OR9Q1: variants seen among roughly 807,000 people sequenced by gnomAD.
The protein encoded by OR9Q1 is olfactory receptor 9Q1.
For synonymous variants in OR9Q1, 153 were observed against 148.6 expected, an observed-to-expected ratio of 1.03 and a Z score of -0.22; for missense variants, 374 against 378.8, an observed-to-expected ratio of 0.99 and a Z score of 0.11.
chr11:58,040,351 C>G (rs951639795), intron 1 of OR9Q1, among the ~76,000 whole-genome samples: 5 of 152,178 alleles, frequency 3.3e-5, no homozygotes, highest in Non-Finnish European at 7.3e-5. Context: ...CAAACTGAGG[C>G]TCAGAGAGGT....
chr11:58,111,161 T>C (rs1237583675), intron 2 of OR9Q1, among the ~76,000 whole-genome samples: 2 of 152,152 alleles, frequency 1.3e-5, no homozygotes, highest in African/African-American at 4.8e-5. Flanking sequence ...TAAAATCTAC[T>C]GATGAGTGTT....
intron 2 of OR9Q1, among the ~76,000 whole-genome samples, chr11:58,086,571 C>A (rs1038509500): frequency 6.6e-6 from 1 of 151,840 alleles, no homozygotes; most frequent in African/African-American, 2.4e-5. Flanking sequence ...TTCATTGAAT[C>A]ATTCTTCACA....
chr11:58,071,126 A>G (rs1184399458), intron 2 of OR9Q1, among the ~76,000 whole-genome samples: 2 of 152,190 alleles, frequency 1.3e-5, no homozygotes, highest in African/African-American at 4.8e-5. Flanking sequence ...TTCTCTCTCT[A>G]AGGTCTGCCC....
At chr11:58,067,252 G>A (rs1312663217) in intron 2 of OR9Q1, among the ~76,000 whole-genome samples, 1 of 151,992 alleles carries the variant, frequency 6.6e-6, no homozygotes, top group African/African-American at 2.4e-5. Context: ...TAGCCCGGGT[G>A]GTCTCCATCT....
intron 2 of OR9Q1, among the ~76,000 whole-genome samples, chr11:58,104,646 C>T (rs1042496416): frequency 6.6e-6 from 1 of 152,080 alleles, no homozygotes; most frequent in Non-Finnish European, 1.5e-5. Flanking sequence ...TATTGCTTAG[C>T]CAATGCAACA....
chr11:58,162,071 C>T (rs1019422370), intron 2 of OR9Q1, among the ~76,000 whole-genome samples: 3 of 152,180 alleles, frequency 2.0e-5, no homozygotes, highest in African/African-American at 4.8e-5. Flanking sequence ...CATGCCATTC[C>T]TGTGTGGAAC....
rs1854653912 is a variant in OR9Q1 at position 58,180,456 on chromosome 11, G to A, written c.*79G>A. 1.2e-6 allele frequency: 1 copy of A among 854,214 alleles called. No homozygotes were observed. Among genetic ancestry groups the A allele is most frequent in the Admixed American group, 2.7e-5 (1 of 36,974 alleles). 52.9% of individuals were successfully genotyped at this position (854,214 alleles called of 1,614,324 possible). A position where few individuals can be genotyped will look rare whatever the true frequency, so the allele number is the denominator to read the frequency against. ...TCTGGACGCTCATTATTTATAGCAT[G>A]CTCAATGTTTAAATGAATATATTAT... On this transcript the variant is annotated 3_prime_UTR_variant, in exon 3 of 3. Coordinates refer to ENST00000335397, the MANE Select transcript of OR9Q1 (RefSeq NM_001005212.4).
At chr11:58,031,816 G>C in intron 1 of OR9Q1, 1 of 1,614,118 alleles carries the variant, frequency 6.2e-7, no homozygotes. Flanking sequence ...TCACGCCCAT[G>C]CTCAATCCTC....
At chr11:58,137,707 G>A (rs1432895669) in intron 2 of OR9Q1, among the ~76,000 whole-genome samples, 2 of 152,080 alleles carry the variant, frequency 1.3e-5, no homozygotes, top group African/African-American at 4.8e-5. Context: ...TCAAATCCCT[G>A]CCTAGGAATT....
chr11:58,058,301 G>A (rs1044104805), intron 2 of OR9Q1, among the ~76,000 whole-genome samples: 4 of 152,158 alleles, frequency 2.6e-5, no homozygotes, highest in Admixed American at 2.6e-4. Context: ...GGTGGGCAGT[G>A]GTCATGTTCT....
intron 2 of OR9Q1, chr11:58,109,441 G>T (rs1023132931): frequency 2.6e-5 from 12 of 461,110 alleles, no homozygotes; most frequent in African/African-American, 2.0e-4. Flanking sequence ...GATTACTGAG[G>T]CACAGCAGGC....
At chr11:58,074,147 TA>T (rs1853516585) in intron 2 of OR9Q1, among the ~76,000 whole-genome samples, 1 of 152,240 alleles carries the variant, frequency 6.6e-6, no homozygotes, top group Non-Finnish European at 1.5e-5. Context: ...CATGTGTCTT[TA>T]AAGTAGAATG....
In OR9Q1 at chr11:58,118,654, G is replaced by A. The variant is rs1454252556; in HGVS notation, c.-14-60777G>A. The A allele has an allele frequency of 1.9e-6, 3 of 1,614,000 alleles. No individual in the cohort carries two copies. In the South Asian group the frequency reaches 3.3e-5, roughly 18 times the overall value. On this transcript the variant is annotated intron_variant, in intron 2 of 2. Transcript: ENST00000335397. ...TTTGTCTTCCTCCAGAGATTTGCCT[G>A]AGCCACTTTGCAGATACATGAAGAT...
chr11:58,059,601 T>C (rs888793095), intron 2 of OR9Q1, among the ~76,000 whole-genome samples: 10 of 141,176 alleles, frequency 7.1e-5, no homozygotes, highest in Non-Finnish European at 1.2e-4. Context: ...GGCAGAAGAA[T>C]TGCTTGAACC....
chr11:58,124,357 C>G (rs1197264431), intron 2 of OR9Q1: 2 of 152,142 alleles, frequency 1.3e-5, no homozygotes, highest in Admixed American at 6.5e-5. Context: ...TATGTGACCT[C>G]TGGAGGGGAT....
At chr11:58,026,458 G>A (rs1021334080) in intron 1 of OR9Q1, among the ~76,000 whole-genome samples, 1 of 152,048 alleles carries the variant, frequency 6.6e-6, no homozygotes, top group African/African-American at 2.4e-5. Context: ...GAGGTGAGTG[G>A]ATCATTTGAG....
intron 1 of OR9Q1, among the ~76,000 whole-genome samples, chr11:58,042,794 C>T (rs1229617479): frequency 6.6e-6 from 1 of 152,158 alleles, no homozygotes; most frequent in Non-Finnish European, 1.5e-5. Context: ...AATGTTCTTC[C>T]ATTCGTTTGT....
chr11:58,178,942 A>ATATATTTATATATTATATATTTATATATT (rs1565098231), intron 2 of OR9Q1, among the ~76,000 whole-genome samples: 6 of 92,092 alleles, frequency 6.5e-5, no homozygotes, highest in Non-Finnish European at 1.3e-4. Flanking sequence ...ATTTATATAT[A>ATATATTTATATATTATATATTTATATATT]ATATATATTT....
chr11:58,099,571 G>C (rs532518155), intron 2 of OR9Q1, among the ~76,000 whole-genome samples: 13 of 151,890 alleles, frequency 8.6e-5, no homozygotes, highest in African/African-American at 2.9e-4. Flanking sequence ...ATAATTTTCC[G>C]TTCTTTTATT....
Sources: gnomAD v4.1 joint callset for allele counts (sites outside exome capture counted in the v4.1 genomes callset) on GRCh38, gnomAD v4.1.1 for gene constraint, MANE v1.5 for transcripts, NCBI Gene and HGNC (gene_info 2026-07-23, HGNC 2026-07-21) for gene names.